ICE1: variants seen among roughly 807,000 people sequenced by gnomAD.
ICE1 encodes the protein interactor of little elongation complex ELL subunit 1, also known as little elongation complex subunit 1.
A neutral mutation model predicts 192.7 loss-of-function variants in ICE1; 64 were observed. The ratio of observed to expected loss-of-function variants is 0.33; its 90% CI spans 0.27 to 0.41. ICE1 has a LOEUF of 0.41. ICE1 is among the 10% of genes least tolerant of loss of function. The pLI is 1.00. For missense variants in ICE1, 2,708 were observed against 2,696.0 expected, an observed-to-expected ratio of 1.00 and a Z score of -0.10; for synonymous variants, 1,010 against 984.5, an observed-to-expected ratio of 1.03 and a Z score of -0.49.
intron 11 of ICE1, among the ~76,000 whole-genome samples, chr5:5,456,310 G>C (rs1738578573): frequency 6.6e-6 from 1 of 152,140 alleles, no homozygotes; most frequent in South Asian, 2.1e-4. Flanking sequence ...GTTGTCACCT[G>C]CTGATTTTGG....
Position 5,461,546 on chromosome 5 carries a change from C to T in ICE1, c.2212C>T (p.Leu738Phe). 2 of 1,613,208 alleles carry T rather than the reference C, an allele frequency of 1.2e-6. No individual in the cohort carries two copies. The highest frequency in any genetic ancestry group is 2.2e-5 in the South Asian group (2 of 90,944). ...AAAAGGCTTGACCAAAATACATTCA[C>T]TTCCTCGGTCAGTATTTATGAAAGC... ...VVKGLTKIHS[L>F]PRSVFMKATK... The change falls in exon 13 of 19, where the codon CTT becomes TTT. Residue 738 changes from leucine to phenylalanine, a missense_variant. Coordinates refer to ENST00000296564, the MANE Select transcript of ICE1 (RefSeq NM_015325.3).
intron 14 of ICE1, among the ~76,000 whole-genome samples, chr5:5,468,278 C>T (rs776621012): frequency 1.1e-4 from 16 of 152,204 alleles, no homozygotes; most frequent in Admixed American, 4.6e-4. Flanking sequence ...AGCACGAGAG[C>T]GAGAGAAGTT....
intron 1 of ICE1, among the ~76,000 whole-genome samples, chr5:5,429,557 T>C (rs1737635934): frequency 6.6e-6 from 1 of 152,260 alleles, no homozygotes; most frequent in Non-Finnish European, 1.5e-5. Context: ...GTTAAGAAAC[T>C]GTCTTCTCTT....
Position 5,461,747 on chromosome 5 carries a change from C to T in ICE1, c.2413C>T (p.Leu805=). ...DLLRKGGEES[L]RAKSEHEQKT... is the part of the protein sequence containing the mutation. The stretch of plus-strand genomic sequence containing the variant: ...ATTAAGGAAAGGTGGCGAAGAAAGT[C>T]TGAGAGCCAAATCAGAACATGAACA... The change falls in exon 13 of 19, where the codon CTG becomes TTG. Residue 805 remains leucine, a synonymous_variant. Transcript: ENST00000296564. 3 of 1,613,754 alleles carry T rather than the reference C, an allele frequency of 1.9e-6. No individual in the cohort carries two copies. The highest frequency in any genetic ancestry group is 2.5e-6 in the Non-Finnish European group (3 of 1,179,792).
intron 1 of ICE1, among the ~76,000 whole-genome samples, chr5:5,431,803 A>G (rs1209677124): frequency 1.3e-5 from 2 of 150,316 alleles, no homozygotes; most frequent in African/African-American, 4.9e-5. Context: ...AAATTTCTAG[A>G]TTTGCTTCTG....
Position 5,462,453 on chromosome 5 carries a change from G to C in ICE1, c.3119G>C (p.Ser1040Thr). Residue 1040 changes from serine to threonine, a missense_variant, in exon 13 of 19, where the codon AGC becomes ACC. Transcript: ENST00000296564. Reference protein sequence around the residue: ...EALAVANDSTSTPQNANGLWK... With the variant: ...EALAVANDSTTTPQNANGLWK... ...CTGGCTGTTGCAAATGATTCTACCA[G>C]CACACCACAAAATGCTAATGGACTT... 5 of 1,614,012 alleles carry C rather than the reference G, an allele frequency of 3.1e-6. No individual in the cohort carries two copies. The highest frequency in any genetic ancestry group is 4.2e-6 in the Non-Finnish European group (5 of 1,179,904).
chr5:5,473,776 GAT>G (rs1579575429), intron 16 of ICE1, 28 bp downstream of exon 16: 1 of 1,475,034 alleles, frequency 6.8e-7, no homozygotes, highest in Non-Finnish European at 9.1e-7. Flanking sequence ...TTTAAATAAA[GAT>G]ATGTTATTGT....
chr5:5,432,483 A>G (rs546964914), intron 1 of ICE1, among the ~76,000 whole-genome samples: 27 of 152,314 alleles, frequency 1.8e-4, no homozygotes, highest in Non-Finnish European at 3.4e-4. Context: ...TAGTGCTGCT[A>G]TAAATATCAG....
At chr5:5,441,071 A>G in intron 4 of ICE1, 41 bp from the exon 5 acceptor site, 1 of 1,222,934 alleles carries the variant, frequency 8.2e-7, no homozygotes, top group South Asian at 1.3e-5. Flanking sequence ...ATACTTCGTT[A>G]TAGATCCTTT....
At position 5,465,086 on chromosome 5, in the gene ICE1, G is replaced by A. The variant is rs760682063; in HGVS notation, c.5752G>A (p.Ala1918Thr). Residue 1918 changes from alanine to threonine, a missense_variant, in exon 13 of 19, where the codon GCC (alanine) becomes ACC (threonine). Coordinates refer to ENST00000296564, the MANE Select transcript of ICE1 (RefSeq NM_015325.3). ...GTCCCATGATAAAGCCATAGCTAAT[G>A]CCCTGAAGAAAATTGCAGAGTTTTC... ...VESHDKAIAN[A>T]LKKIAEFSFD... 1.9e-6 allele frequency: 3 copies of A among 1,613,814 alleles called. No homozygotes were observed. In the South Asian group the frequency reaches 3.3e-5, roughly 18 times the overall value.
intron 17 of ICE1, among the ~76,000 whole-genome samples, chr5:5,479,660 C>T (rs1374762794): frequency 6.6e-6 from 1 of 152,182 alleles, no homozygotes; most frequent in African/African-American, 2.4e-5. Flanking sequence ...TTTATTGCAG[C>T]ACTATTTACA....
intron 15 of ICE1, among the ~76,000 whole-genome samples, 151 bp downstream of exon 15, chr5:5,469,139 C>G (rs1198833605): frequency 6.6e-6 from 1 of 152,108 alleles, no homozygotes; most frequent in East Asian, 1.9e-4. Flanking sequence ...CTAAGCTTAT[C>G]CATTTTGTTA....
intron 13 of ICE1, 131 bp from the exon 14 acceptor site, chr5:5,466,203 T>A: frequency 1.4e-6 from 1 of 740,642 alleles, no homozygotes; most frequent in Non-Finnish European, 2.0e-6. Flanking sequence ...GTTACTATGC[T>A]CTACCTTCTG....
chr5:5,470,712 G>T (rs1739133818), intron 15 of ICE1, among the ~76,000 whole-genome samples: 1 of 151,976 alleles, frequency 6.6e-6, no homozygotes. Context: ...ATTTCTAAAA[G>T]CAAAGATTTG....
chr5:5,426,697 A>T (rs1185111527), intron 1 of ICE1, among the ~76,000 whole-genome samples: 2 of 152,234 alleles, frequency 1.3e-5, no homozygotes, highest in Non-Finnish European at 2.9e-5. Context: ...AGTGCGTTCC[A>T]GAGGGAATCA....
chr5:5,488,479 C>T (rs188307159), intron 18 of ICE1, among the ~76,000 whole-genome samples: 89 of 152,282 alleles, frequency 5.8e-4, no homozygotes, highest in Non-Finnish European at 8.7e-4. Flanking sequence ...TTTTGGATTT[C>T]AGATTTTTGG....
chr5:5,457,290 A>C, intron 11 of ICE1, 42 bp from the exon 12 acceptor site: 2 of 1,468,188 alleles, frequency 1.4e-6, no homozygotes, highest in Non-Finnish European at 1.8e-6. Context: ...AGTTTTCTTG[A>C]TATTGTAAAT....
intron 12 of ICE1, among the ~76,000 whole-genome samples, chr5:5,458,461 C>CA (rs74544393): frequency 0.045 from 6,777 of 152,002 alleles, 568 homozygotes; most frequent in East Asian, 0.32. Flanking sequence ...TGGTGGAAAA[C>CA]ACGCTGCTTG....
In ICE1 at chr5:5,462,648, A is replaced by G; in HGVS notation, c.3314A>G (p.Asp1105Gly). The G allele has an allele frequency of 6.2e-7, 1 of 1,613,864 alleles. No homozygotes were observed. Among genetic ancestry groups the G allele is most frequent in the Non-Finnish European group, 8.5e-7 (1 of 1,179,854 alleles). Residue 1105 changes from aspartate to glycine, a missense_variant, in exon 13 of 19, where the codon GAC becomes GGC. Physicochemically the swap from Asp to Gly is moderately conservative, Grantham distance 94. Around this residue, in one of 2 missense-constraint regions of ICE1, gnomAD observed 2,366 missense variants for 2,276.6 expected, o/e 1.04. Transcript: ENST00000296564. Reference sequence around the variant, plus strand: ...TACACAGGCATTCGAGAGGGGGGAGACGACACTGAGGTAGAGAGTGAGGCA... The same window carrying G: ...TACACAGGCATTCGAGAGGGGGGAGGCGACACTGAGGTAGAGAGTGAGGCA... The part of the protein sequence containing the change: ...HCYTGIREGG[D>G]DTEVESEAFS...
Sources: allele counts gnomAD v4.1 joint callset (sites outside exome capture counted in the v4.1 genomes callset), GRCh38; gene constraint gnomAD v4.1.1; regional missense constraint gnomAD v4.1.1; transcripts MANE v1.5; gene names NCBI Gene and HGNC (gene_info 2026-07-23, HGNC 2026-07-21).